Variants in ZNF438 observed in about 807,000 individuals in gnomAD.
The protein encoded by ZNF438 is zinc finger protein 438.
In ZNF438, 25 loss-of-function variants were observed where a neutral mutation model predicts 38.0. The ratio of observed to expected loss-of-function variants is 0.66; its 90% CI spans 0.48 to 0.92. The LOEUF (loss-of-function observed/expected upper bound fraction) is 0.92, where lower values mean the gene tolerates loss of function less well. Among genes scored for constraint, ZNF438 ranks in the 40% least tolerant of loss-of-function variants. ZNF438 has a pLI of 0.00. For missense variants in ZNF438, 1,007 were observed against 999.6 expected (o/e 1.01, Z -0.10); for synonymous variants, 372 against 364.1 (o/e 1.02, Z -0.25).
chr10:30,986,709 C>A (rs2052838397), intron 1 of ZNF438, among the ~76,000 whole-genome samples: 1 of 152,108 alleles, frequency 6.6e-6, no homozygotes, highest in Non-Finnish European at 1.5e-5. Flanking sequence ...AATCTGAAAT[C>A]CAAAATGCTC....
chr10:30,933,688 C>T (rs2045930252), intron 2 of ZNF438, among the ~76,000 whole-genome samples: 2 of 152,090 alleles, frequency 1.3e-5, no homozygotes, highest in African/African-American at 2.4e-5. Flanking sequence ...CATTTATAAA[C>T]CAAACTTGTC....
intron 4 of ZNF438, among the ~76,000 whole-genome samples, chr10:30,876,124 T>A (rs1266948401): frequency 2.6e-5 from 4 of 152,244 alleles, no homozygotes. Flanking sequence ...CCAGATTCCA[T>A]GTGCTCAAGA....
intron 2 of ZNF438, among the ~76,000 whole-genome samples, chr10:30,926,439 G>A (rs1483286935): frequency 7.2e-5 from 11 of 152,230 alleles, no homozygotes; most frequent in South Asian, 2.1e-4. Context: ...AGGCCGAGGC[G>A]AGTGGATCAC....
chr10:30,922,145 A>C (rs1211422397), intron 2 of ZNF438, among the ~76,000 whole-genome samples: 1 of 152,168 alleles, frequency 6.6e-6, no homozygotes, highest in African/African-American at 2.4e-5. Flanking sequence ...TTTTACTTAC[A>C]GGGATTACCT....
In ZNF438 at chr10:30,969,320, T is replaced by C. The variant is rs77448803; in HGVS notation, c.-191-27669A>G. On this transcript the variant is annotated intron_variant, in intron 1 of 5. Coordinates refer to ENST00000413025, the Ensembl canonical transcript of ZNF438. The stretch of plus-strand genomic sequence containing the variant: ...ACATAGTCTGCTTCAACCAACAGCC[T>C]ATACCCACAGTGTTTTCATATACTA... Among the ~76,000 whole-genome samples, 670 of 152,292 alleles carry C rather than the reference T, an allele frequency of 4.4e-3. 9 individuals are homozygous for C. Among genetic ancestry groups the C allele is most frequent in the African/African-American group, 0.015 (625 of 41,568 alleles).
chr10:30,889,002 G>A (rs893610689), intron 3 of ZNF438, among the ~76,000 whole-genome samples: 4 of 152,110 alleles, frequency 2.6e-5, no homozygotes, highest in Non-Finnish European at 5.9e-5. Context: ...CAGTGTATAA[G>A]CCATTTCCTT....
chr10:30,931,780 T>C (rs2045726949), intron 2 of ZNF438, among the ~76,000 whole-genome samples: 1 of 152,190 alleles, frequency 6.6e-6, no homozygotes, highest in Non-Finnish European at 1.5e-5. Flanking sequence ...AGATTGTTAA[T>C]AAAGATCAAG....
At chr10:30,876,137 T>C (rs1194261084) in intron 4 of ZNF438, among the ~76,000 whole-genome samples, 1 of 152,224 alleles carries the variant, frequency 6.6e-6, no homozygotes, top group East Asian at 1.9e-4. Context: ...GCTCAAGAGT[T>C]ATGATACTAC....
chr10:30,849,679 A>G, exon 5 of ZNF438: 1 of 1,614,196 alleles, frequency 6.2e-7, no homozygotes, highest in African/African-American at 1.3e-5. Context: ...TCTTGCTTAC[A>G]AAGTGTGCTT....
chr10:30,893,924 T>C (rs538966119), intron 3 of ZNF438, among the ~76,000 whole-genome samples: 19 of 152,346 alleles, frequency 1.2e-4, no homozygotes, highest in South Asian at 2.1e-4. Flanking sequence ...TGTAATACTA[T>C]TAAATTAAAC....
intron 3 of ZNF438, among the ~76,000 whole-genome samples, chr10:30,886,111 T>A (rs2039917579): frequency 6.6e-6 from 1 of 152,172 alleles, no homozygotes. Context: ...AGAAGCTGAG[T>A]GAAGCCTTTT....
At chr10:30,956,815 C>A (rs2048913378) in intron 1 of ZNF438, among the ~76,000 whole-genome samples, 1 of 152,160 alleles carries the variant, frequency 6.6e-6, no homozygotes, top group South Asian at 2.1e-4. Flanking sequence ...GATTCCATAT[C>A]TTGGCTATTG....
At chr10:30,928,619 TAA>T (rs1327691595) in intron 2 of ZNF438, among the ~76,000 whole-genome samples, 3 of 152,184 alleles carry the variant, frequency 2.0e-5, no homozygotes, top group Non-Finnish European at 4.4e-5. Flanking sequence ...TACTGATATT[TAA>T]AAGTCTTATT....
At chr10:31,011,656 G>A (rs1338368624) in intron 1 of ZNF438, among the ~76,000 whole-genome samples, 3 of 152,136 alleles carry the variant, frequency 2.0e-5, no homozygotes, top group African/African-American at 7.2e-5. Flanking sequence ...ATAGCAACGA[G>A]ATTCTCACTC....
chr10:30,998,144 T>G (rs572799598), intron 1 of ZNF438, among the ~76,000 whole-genome samples: 24 of 152,260 alleles, frequency 1.6e-4, no homozygotes, highest in African/African-American at 5.8e-4. Flanking sequence ...TAAGGGAATT[T>G]GAGAGTTTCA....
At chr10:30,914,436 T>C (rs1409244247) in intron 2 of ZNF438, among the ~76,000 whole-genome samples, 3 of 151,612 alleles carry the variant, frequency 2.0e-5, no homozygotes, top group Non-Finnish European at 2.9e-5. Context: ...AAAAATTAGA[T>C]AGAACTAAAT....
intron 4 of ZNF438, among the ~76,000 whole-genome samples, chr10:30,872,813 T>C (rs530046092): frequency 6.6e-6 from 1 of 151,178 alleles, no homozygotes; most frequent in Admixed American, 6.6e-5. Flanking sequence ...TAAATGAAGA[T>C]TCCTTCCTGA....
chr10:30,919,213 A>AGACATC (rs1386164388), intron 2 of ZNF438: 4 of 152,204 alleles, frequency 2.6e-5, no homozygotes, highest in Admixed American at 6.5e-5. Flanking sequence ...CTGATTCTTC[A>AGACATC]GACATCTGTA....
At chr10:30,966,669 C>CA (rs11445638) in intron 1 of ZNF438, among the ~76,000 whole-genome samples, 91,223 of 129,622 alleles carry the variant, frequency 0.7, 30,865 homozygotes, top group Middle Eastern at 0.72. Flanking sequence ...GACTCCATCT[C>CA]AAAAAAAAAA....
Sources: allele counts gnomAD v4.1 joint callset (sites outside exome capture counted in the v4.1 genomes callset), GRCh38; gene constraint gnomAD v4.1.1; transcripts MANE v1.5; gene names NCBI Gene and HGNC (gene_info 2026-07-23, HGNC 2026-07-21).